SEPTIN7: variants seen among roughly 807,000 people sequenced by gnomAD.
SEPTIN7 encodes the protein septin 7, also known as septin-7.
A neutral mutation model predicts 63.3 loss-of-function variants in SEPTIN7; 10 were observed. The observed-to-expected ratio is 0.16, with a 90% CI of 0.10 to 0.27. SEPTIN7 has a LOEUF of 0.27. SEPTIN7 is among the 10% of genes least tolerant of loss of function. The pLI is 1.00. For synonymous variants in SEPTIN7, 131 were observed against 165.3 expected (o/e 0.79, Z 1.59); for missense variants, 310 against 521.0 (o/e 0.59, Z 3.94).
chr7:35,832,678 G>C, intron 2 of SEPTIN7, 120 bp from the exon 3 acceptor site: 2 of 713,140 alleles, frequency 2.8e-6, no homozygotes, highest in Admixed American at 4.0e-5. Context: ...CATGAAAGTA[G>C]TTTGATTTGC....
rs900402380 is a variant in SEPTIN7, at chr7:35,905,791, T to C, written c.*1498T>C. ...TGACTCATTCAGATTAGGTATACTC[T>C]CAAGTCCCTGGAAACTGAAATTTTT... is the stretch of plus-strand genomic sequence containing the variant. On this transcript the variant is annotated 3_prime_UTR_variant, in exon 14 of 14. Transcript: ENST00000350320. 5 of 152,212 alleles carry C rather than the reference T, an allele frequency of 3.3e-5. No homozygotes were observed. The highest frequency in any genetic ancestry group is 7.3e-5 in the Non-Finnish European group (5 of 68,044). 9.4% of individuals were successfully genotyped at this position (152,212 alleles called of 1,614,324 possible).
chr7:35,818,951 T>A (rs550837002), intron 1 of SEPTIN7, among the ~76,000 whole-genome samples: 1 of 152,148 alleles, frequency 6.6e-6, no homozygotes, highest in East Asian at 1.9e-4. Context: ...CTGTTTTATG[T>A]ATTTCATTTA....
At chr7:35,887,497 C>G (rs1356707309) in intron 10 of SEPTIN7, among the ~76,000 whole-genome samples, 1 of 152,154 alleles carries the variant, frequency 6.6e-6, no homozygotes. Context: ...TAGGCATGCA[C>G]CACTACACCT....
downstream of SEPTIN7, among the ~76,000 whole-genome samples, chr7:35,908,007 G>A (rs1788664651): frequency 6.6e-6 from 1 of 152,160 alleles, no homozygotes. Context: ...TAGGAAATGT[G>A]CATGGTGCCA....
chr7:35,859,954 G>A (rs969231892), intron 3 of SEPTIN7, among the ~76,000 whole-genome samples: 1 of 152,070 alleles, frequency 6.6e-6, no homozygotes, highest in African/African-American at 2.4e-5. Context: ...CTTTAATTGG[G>A]AGAGTTTAAT....
intron 3 of SEPTIN7, among the ~76,000 whole-genome samples, chr7:35,843,720 G>A (rs1218942612): frequency 6.6e-6 from 1 of 152,154 alleles, no homozygotes. Context: ...GTGTTGCAGA[G>A]TTATAATATT....
intron 1 of SEPTIN7, among the ~76,000 whole-genome samples, chr7:35,824,692 T>C (rs1376224777): frequency 6.6e-6 from 1 of 152,212 alleles, no homozygotes; most frequent in East Asian, 1.9e-4. Flanking sequence ...ATCTGTCATT[T>C]CATGTCTTTA....
At chr7:35,881,811 T>C (rs918316037) in intron 7 of SEPTIN7, among the ~76,000 whole-genome samples, 5 of 152,020 alleles carry the variant, frequency 3.3e-5, no homozygotes, top group Admixed American at 3.3e-4. Context: ...TTGAACATGA[T>C]AATTTAATTT....
intron 3 of SEPTIN7, among the ~76,000 whole-genome samples, chr7:35,850,870 T>G (rs1453420561): frequency 6.6e-6 from 1 of 152,170 alleles, no homozygotes; most frequent in African/African-American, 2.4e-5. Context: ...CAGGTACTAC[T>G]TTAGTCTCAG....
chr7:35,903,528 G>A (rs1209240297), intron 13 of SEPTIN7, among the ~76,000 whole-genome samples: 2 of 152,032 alleles, frequency 1.3e-5, no homozygotes, highest in African/African-American at 4.8e-5. Flanking sequence ...TGGACATAAG[G>A]GTTGTTTTCA....
downstream of SEPTIN7, among the ~76,000 whole-genome samples, chr7:35,911,639 TAAG>T (rs931607861): frequency 2.4e-4 from 36 of 152,282 alleles, no homozygotes; most frequent in African/African-American, 8.2e-4. Flanking sequence ...GTACATATAA[TAAG>T]AAGTATGGCA....
chr7:35,884,881 G>A (rs1255204385), intron 9 of SEPTIN7, among the ~76,000 whole-genome samples: 3 of 152,110 alleles, frequency 2.0e-5, no homozygotes, highest in Admixed American at 6.5e-5. Flanking sequence ...ATAACACCAA[G>A]CCTCAGAAGT....
rs560410901 is a variant in SEPTIN7, at chr7:35,882,229, T to C, written c.631-255T>C. Among the ~76,000 whole-genome samples, 5 of 152,048 alleles carry C rather than the reference T, an allele frequency of 3.3e-5. No homozygotes were observed. The South Asian group carries it at 1.0e-3, about 32-fold the overall frequency. ...GTTTTACATCCTTTTTGGAACTCTT[T>C]TGGTATGACAGCTATATGACTTTAA... On this transcript the variant is annotated intron_variant, in intron 7 of 13. Coordinates refer to ENST00000350320, the MANE Select transcript of SEPTIN7 (RefSeq NM_001788.6).
intron 1 of SEPTIN7, among the ~76,000 whole-genome samples, chr7:35,817,451 G>C (rs1030788499): frequency 3.3e-5 from 5 of 152,042 alleles, no homozygotes; most frequent in African/African-American, 1.2e-4. Context: ...TAACTTTGCA[G>C]TAAGTTTTGA....
At chr7:35,842,891 A>G (rs1784478331) in intron 3 of SEPTIN7, among the ~76,000 whole-genome samples, 1 of 152,154 alleles carries the variant, frequency 6.6e-6, no homozygotes, top group East Asian at 1.9e-4. Context: ...AAAATCAGAA[A>G]GTAACAAGTG....
At chr7:35,882,371 A>G in intron 7 of SEPTIN7, 113 bp from the exon 8 acceptor site, 1 of 731,474 alleles carries the variant, frequency 1.4e-6, no homozygotes, top group South Asian at 5.1e-5. Context: ...AAAAAACAGT[A>G]AAGGATCTGG....
intron 11 of SEPTIN7, among the ~76,000 whole-genome samples, chr7:35,894,985 T>A (rs1238693571): frequency 6.6e-6 from 1 of 152,150 alleles, no homozygotes; most frequent in East Asian, 1.9e-4. Context: ...GCTAAATCAT[T>A]GGGGGTTTAG....
intron 1 of SEPTIN7, among the ~76,000 whole-genome samples, chr7:35,831,040 A>G (rs1296878420): frequency 2.6e-5 from 4 of 152,212 alleles, no homozygotes; most frequent in Admixed American, 6.5e-5. Flanking sequence ...GCAAAATTGC[A>G]TGAAATTTAC....
intron 1 of SEPTIN7, among the ~76,000 whole-genome samples, chr7:35,801,545 C>T (rs965572379): frequency 5.3e-5 from 8 of 151,234 alleles, no homozygotes; most frequent in African/African-American, 1.9e-4. Context: ...CGCAGAGCCG[C>T]GGCCTCCGCG....
Sources: allele counts gnomAD v4.1 joint callset (sites outside exome capture counted in the v4.1 genomes callset), GRCh38; gene constraint gnomAD v4.1.1; transcripts MANE v1.5; gene names NCBI Gene and HGNC (gene_info 2026-07-23, HGNC 2026-07-21).